DCLK2: variants seen among roughly 807,000 people sequenced by gnomAD.
DCLK2 encodes the protein doublecortin like kinase 2.
A neutral mutation model predicts 78.4 loss-of-function variants in DCLK2; 31 were observed. The ratio of observed to expected loss-of-function variants is 0.40; its 90% CI spans 0.30 to 0.53. The LOEUF is 0.53. DCLK2 is among the 20% of genes least tolerant of loss of function. The pLI is 0.61. For synonymous variants in DCLK2, 407 were observed against 374.9 expected (o/e 1.09, Z -0.99); for missense variants, 872 against 973.7 (o/e 0.90, Z 1.39).
chr4:150,217,689 A>C (rs1580735989), intron 5 of DCLK2, among the ~76,000 whole-genome samples: 1 of 152,334 alleles, frequency 6.6e-6, no homozygotes, highest in East Asian at 1.9e-4. Flanking sequence ...GTGAAGAGGG[A>C]GAAAGAAAAT....
chr4:150,137,177 G>A (rs1733753769), intron 2 of DCLK2, among the ~76,000 whole-genome samples: 1 of 151,886 alleles, frequency 6.6e-6, no homozygotes, highest in South Asian at 2.1e-4. Context: ...GGCTGCAGCA[G>A]CTCTGCTGTT....
At chr4:150,109,943 A>G (rs1236124029) in intron 2 of DCLK2, among the ~76,000 whole-genome samples, 4 of 152,214 alleles carry the variant, frequency 2.6e-5, no homozygotes, top group African/African-American at 4.8e-5. Context: ...CCCCTTTTTA[A>G]AGAGTAATCT....
rs574229313 is a variant in DCLK2 at position 150,190,995 on chromosome 4, A to G, written c.757-2143A>G. Among the ~76,000 whole-genome samples, 5 of 152,184 alleles carry G rather than the reference A, an allele frequency of 3.3e-5. No individual in the cohort carries two copies. In the South Asian group the frequency reaches 1.0e-3, roughly 32 times the overall value. ...TTAAGATTTAGCTAGGCATGGTGCT[A>G]CACACCTATGGTCCCAGCTACTCAG... On this transcript the variant is annotated intron_variant, in intron 2 of 15. Coordinates refer to ENST00000296550, the MANE Select transcript of DCLK2 (RefSeq NM_001040260.4).
chr4:150,132,433 A>T (rs1352996770), intron 2 of DCLK2, among the ~76,000 whole-genome samples: 1 of 152,218 alleles, frequency 6.6e-6, no homozygotes, highest in Admixed American at 6.5e-5. Flanking sequence ...TTAGAGAGCA[A>T]GCAAAAGATT....
chr4:150,184,057 A>G (rs1261446307), intron 2 of DCLK2, among the ~76,000 whole-genome samples: 1 of 152,176 alleles, frequency 6.6e-6, no homozygotes, highest in Non-Finnish European at 1.5e-5. Context: ...ATCATTATGC[A>G]TTCAACAGAA....
intron 2 of DCLK2, among the ~76,000 whole-genome samples, chr4:150,103,465 G>T (rs1360602623): frequency 6.6e-6 from 1 of 152,160 alleles, no homozygotes; most frequent in African/African-American, 2.4e-5. Context: ...TTAGGTAAGT[G>T]TTGAATTTTG....
At chr4:150,223,313 A>C (rs185970779) in intron 7 of DCLK2, among the ~76,000 whole-genome samples, 20 of 152,360 alleles carry the variant, frequency 1.3e-4, no homozygotes, top group African/African-American at 4.6e-4. Flanking sequence ...TGTGTACTAC[A>C]ACCACCTGGC....
intron 1 of DCLK2, among the ~76,000 whole-genome samples, chr4:150,081,373 A>G (rs1428119819): frequency 6.6e-6 from 1 of 152,220 alleles, no homozygotes; most frequent in African/African-American, 2.4e-5. Context: ...CTGCAACTGT[A>G]GTTTCAACTA....
At chr4:150,095,588 T>C (rs1229948004) in intron 1 of DCLK2, among the ~76,000 whole-genome samples, 15 of 152,184 alleles carry the variant, frequency 9.9e-5, no homozygotes, top group Admixed American at 9.8e-4. Flanking sequence ...AACATGTGTG[T>C]GTATATAGAG....
chr4:150,188,829 T>C (rs959107494), intron 2 of DCLK2, among the ~76,000 whole-genome samples: 5 of 142,394 alleles, frequency 3.5e-5, no homozygotes, highest in Non-Finnish European at 4.5e-5. Flanking sequence ...GGCGTGAACC[T>C]GGGAGGCAGA....
chr4:150,148,734 T>C (rs1386207454), intron 2 of DCLK2, among the ~76,000 whole-genome samples: 1 of 151,982 alleles, frequency 6.6e-6, no homozygotes, highest in African/African-American at 2.4e-5. Flanking sequence ...TAGTTTGAGT[T>C]CTTTGAAATA....
At position 150,149,555 on chromosome 4, in the gene DCLK2, T is replaced by C. The variant is rs554749282; in HGVS notation, c.757-43583T>C. On this transcript the variant is annotated intron_variant, in intron 2 of 15. Coordinates refer to ENST00000296550, the MANE Select transcript of DCLK2 (RefSeq NM_001040260.4). ...TTTATTGCATCATTTGTTTTGGCAA[T>C]TGGCTGTAAAGATGCCTGGCATGAA... is the stretch of plus-strand genomic sequence containing the variant. Among the ~76,000 whole-genome samples the C allele has an allele frequency of 5.3e-5, 8 of 152,338 alleles. No homozygotes were observed. The South Asian group carries it at 1.5e-3, about 28-fold the overall frequency.
At chr4:150,198,919 C>CCCT (rs1580702989) in intron 4 of DCLK2, 1 of 617,452 alleles carries the variant, frequency 1.6e-6, no homozygotes, top group Non-Finnish European at 2.7e-6. Context: ...CACCCCCCCC[C>CCCT]CCACTTTCTG....
rs539068207 is a variant in DCLK2 at position 150,228,376 on chromosome 4, G to A, written c.1299+3818G>A. Reference sequence around the variant, plus strand: ...CACTTTCTCCTCAGCAGTGTGCTCCGAGCAACACAGACACCAGCTGTGAAG... The same window carrying A: ...CACTTTCTCCTCAGCAGTGTGCTCCAAGCAACACAGACACCAGCTGTGAAG... On this transcript the variant is annotated intron_variant, in intron 8 of 15. Transcript: ENST00000296550. Among the ~76,000 whole-genome samples, 48 of 152,270 alleles carry A rather than the reference G, an allele frequency of 3.2e-4. No homozygotes were observed. The South Asian group carries it at 9.3e-3, about 30-fold the overall frequency.
At chr4:150,186,299 G>T (rs1035351099) in intron 2 of DCLK2, among the ~76,000 whole-genome samples, 4 of 151,614 alleles carry the variant, frequency 2.6e-5, no homozygotes, top group Non-Finnish European at 4.4e-5. Flanking sequence ...AAAAATAAAT[G>T]GTAAAAGGAA....
At chr4:150,092,132 A>C (rs917144851) in intron 1 of DCLK2, among the ~76,000 whole-genome samples, 1 of 152,056 alleles carries the variant, frequency 6.6e-6, no homozygotes, top group Non-Finnish European at 1.5e-5. Flanking sequence ...TGCATATGGC[A>C]GAATTTGCTT....
chr4:150,219,145 A>C (rs1336842348), intron 5 of DCLK2, among the ~76,000 whole-genome samples: 1 of 151,876 alleles, frequency 6.6e-6, no homozygotes, highest in Non-Finnish European at 1.5e-5. Flanking sequence ...TGGAGATTGC[A>C]GTGAGCCAAG....
chr4:150,159,187 C>G (rs1037189133), intron 2 of DCLK2, among the ~76,000 whole-genome samples: 1 of 152,156 alleles, frequency 6.6e-6, no homozygotes, highest in African/African-American at 2.4e-5. Context: ...AAGGGAGTGC[C>G]ATTCACATCC....
chr4:150,102,443 T>G, intron 1 of DCLK2, 35 bp from the exon 2 acceptor site: 1 of 1,590,298 alleles, frequency 6.3e-7, no homozygotes, highest in Non-Finnish European at 8.6e-7. Context: ...ATGATAGAGA[T>G]AATCATGCTA....
Sources: allele counts gnomAD v4.1 joint callset (sites outside exome capture counted in the v4.1 genomes callset), GRCh38; gene constraint gnomAD v4.1.1; transcripts MANE v1.5; gene names NCBI Gene and HGNC (gene_info 2026-07-23, HGNC 2026-07-21).